PDE4B: variants seen among roughly 807,000 people sequenced by gnomAD.
The protein encoded by PDE4B is 3',5'-cyclic-AMP phosphodiesterase 4B.
PDE4B carries 20 observed loss-of-function variants against 82.2 expected under a neutral mutation model. That is an observed-to-expected ratio of 0.24 (90% CI 0.17 to 0.35). The LOEUF (loss-of-function observed/expected upper bound fraction) is 0.35. PDE4B is among the 10% of genes least tolerant of loss of function. The pLI is 1.00. For missense variants in PDE4B, 655 were observed against 907.2 expected (o/e 0.72, Z 3.57); for synonymous variants, 320 against 318.9 (o/e 1.00, Z -0.04).
intron 1 of PDE4B, among the ~76,000 whole-genome samples, chr1:65,863,086 T>C (rs1646473256): frequency 1.3e-5 from 2 of 151,992 alleles, no homozygotes; most frequent in African/African-American, 4.8e-5. Context: ...TTTTTAATTG[T>C]GATGTTAGGG....
intron 3 of PDE4B, among the ~76,000 whole-genome samples, chr1:65,990,929 C>G (rs900580356): frequency 6.6e-6 from 1 of 152,082 alleles, no homozygotes; most frequent in East Asian, 1.9e-4. Context: ...GTACCGTAAA[C>G]CAGTAATTTA....
At chr1:66,296,494 G>A (rs1025862679) in intron 7 of PDE4B, among the ~76,000 whole-genome samples, 1 of 152,188 alleles carries the variant, frequency 6.6e-6, no homozygotes, top group African/African-American at 2.4e-5. Context: ...GAGCTGCACA[G>A]AACTGGATTT....
At chr1:65,962,306 G>C (rs1649584876) in intron 3 of PDE4B, among the ~76,000 whole-genome samples, 1 of 152,096 alleles carries the variant, frequency 6.6e-6, no homozygotes, top group Non-Finnish European at 1.5e-5. Flanking sequence ...ATTGTAAGTT[G>C]GGGACCATCT....
intron 1 of PDE4B, among the ~76,000 whole-genome samples, chr1:65,796,408 AT>A (rs76845605): frequency 0.36 from 54,512 of 150,176 alleles, 10,688 homozygotes; most frequent in East Asian, 0.66. Flanking sequence ...TTGGTTCATC[AT>A]TTTTTTTTCT....
intron 7 of PDE4B, among the ~76,000 whole-genome samples, chr1:66,285,199 G>C (rs1656584784): frequency 6.6e-6 from 1 of 151,916 alleles, no homozygotes; most frequent in Admixed American, 6.6e-5. Context: ...TTCTTAAAAA[G>C]GTAAACGTAA....
In PDE4B at chr1:65,916,360, C is replaced by T. The variant is rs72685053; in HGVS notation, c.43-2237C>T. On this transcript the variant is annotated intron_variant, in intron 2 of 16. Transcript: ENST00000341517. ...TTCAAATAACAAGTGCCAAATAGTA[C>T]CCATTTAGGTCACTTACTACAATTA... Among the ~76,000 whole-genome samples the T allele has an allele frequency of 7.6e-3, 1,155 of 152,098 alleles. 7 individuals are homozygous for T. Among genetic ancestry groups the T allele is most frequent in the Middle Eastern group, 0.014 (4 of 294 alleles).
At chr1:66,228,666 G>A (rs79296480) in intron 3 of PDE4B, among the ~76,000 whole-genome samples, 6,028 of 151,636 alleles carry the variant, frequency 0.04, 399 homozygotes, top group African/African-American at 0.14. Context: ...ACTAAACAGG[G>A]CTTTATTTGT....
chr1:66,208,625 A>T (rs899560734), intron 3 of PDE4B, among the ~76,000 whole-genome samples: 2 of 152,200 alleles, frequency 1.3e-5, no homozygotes, highest in African/African-American at 2.4e-5. Context: ...TATAACTGGA[A>T]CCATGCAAAA....
intron 7 of PDE4B, among the ~76,000 whole-genome samples, chr1:66,271,493 C>A (rs753047092): frequency 1.3e-5 from 2 of 152,164 alleles, no homozygotes; most frequent in African/African-American, 4.8e-5. Context: ...AGAGGCAAAT[C>A]GCTGCCAGGG....
intron 1 of PDE4B, among the ~76,000 whole-genome samples, chr1:65,846,055 C>T (rs2101366798): frequency 6.6e-6 from 1 of 152,286 alleles, no homozygotes. Flanking sequence ...CCTGTGTTCA[C>T]ATATCTTTCA....
intron 3 of PDE4B, among the ~76,000 whole-genome samples, chr1:66,238,950 T>C (rs1411554117): frequency 6.6e-6 from 1 of 152,150 alleles, no homozygotes; most frequent in South Asian, 2.1e-4. Context: ...CAAACATATA[T>C]CTAGAACTGA....
At chr1:66,257,741 C>G (rs1028016924) in intron 5 of PDE4B, 52 bp from the exon 6 acceptor site, 10 of 1,605,736 alleles carry the variant, frequency 6.2e-6, no homozygotes, top group Non-Finnish European at 6.0e-6. Context: ...AAGTCTGAAC[C>G]TGGCCATTTG....
At chr1:65,914,471 T>TTCG (rs1553120179) in intron 2 of PDE4B, among the ~76,000 whole-genome samples, 2 of 102,182 alleles carry the variant, frequency 2.0e-5, no homozygotes, top group African/African-American at 6.1e-5. Context: ...CTTCTTCTTC[T>TTCG]TTTTTTTTTT....
At chr1:65,901,321 T>A (rs1402768134) in intron 1 of PDE4B, among the ~76,000 whole-genome samples, 1 of 152,192 alleles carries the variant, frequency 6.6e-6, no homozygotes, top group East Asian at 1.9e-4. Flanking sequence ...TCATGATGAA[T>A]TAACTTTCTG....
At chr1:66,324,436 GAA>G (rs910317148) in intron 7 of PDE4B, among the ~76,000 whole-genome samples, 15 of 152,104 alleles carry the variant, frequency 9.9e-5, no homozygotes, top group African/African-American at 3.4e-4. Flanking sequence ...ATTCATAATG[GAA>G]AATGTATGTC....
chr1:66,039,085 A>G (rs771587995), intron 3 of PDE4B, among the ~76,000 whole-genome samples: 6 of 152,052 alleles, frequency 3.9e-5, no homozygotes, highest in Non-Finnish European at 7.4e-5. Context: ...TGTTCTTGTT[A>G]CCTGAATAAA....
At chr1:66,024,488 A>T (rs1249699807) in intron 3 of PDE4B, among the ~76,000 whole-genome samples, 1 of 152,088 alleles carries the variant, frequency 6.6e-6, no homozygotes, top group Non-Finnish European at 1.5e-5. Context: ...ATTGCATTAA[A>T]CTAGAATTTG....
At chr1:65,853,775 A>G (rs1646360403) in intron 1 of PDE4B, among the ~76,000 whole-genome samples, 1 of 151,974 alleles carries the variant, frequency 6.6e-6, no homozygotes. Flanking sequence ...TGATCCGCCC[A>G]CCTCAGCCTC....
intron 7 of PDE4B, among the ~76,000 whole-genome samples, chr1:66,326,810 CAT>C (rs1252140401): frequency 6.6e-6 from 1 of 152,166 alleles, no homozygotes; most frequent in Non-Finnish European, 1.5e-5. Flanking sequence ...AATTGCTAAT[CAT>C]GTGTAATTGA....
Sources: allele counts gnomAD v4.1 joint callset (sites outside exome capture counted in the v4.1 genomes callset), GRCh38; gene constraint gnomAD v4.1.1; transcripts MANE v1.5; gene names NCBI Gene and HGNC (gene_info 2026-07-23, HGNC 2026-07-21).